APBA1: variants seen among roughly 807,000 people sequenced by gnomAD.
The protein encoded by APBA1 is amyloid beta precursor protein binding family A member 1.
Under a neutral mutation model 86.6 loss-of-function variants are expected in APBA1, and 55 were observed. The observed-to-expected ratio is 0.64, with a 90% CI of 0.51 to 0.80. The LOEUF is 0.80. APBA1 is among the 30% of genes least tolerant of loss of function. The probability of loss-of-function intolerance (pLI) is 0.00; values close to 1 mark genes in which losing one functional copy is unlikely to be tolerated. For missense variants in APBA1, 1,090 were observed against 1,183.0 expected (o/e 0.92, Z 1.15); for synonymous variants, 511 against 493.9 (o/e 1.03, Z -0.46).
chr9:69,473,682 A>G lies in APBA1; in HGVS notation c.1297-1987T>C, dbSNP rs1445245055. On this transcript the variant is annotated intron_variant, in intron 3 of 12. Transcript: ENST00000265381. ...GCACATGTACCCTAAAACTTGAAGT[A>G]TAATTAAAAAAATTAAAAAAAAGAT... is the stretch of plus-strand genomic sequence containing the variant. Among the ~76,000 whole-genome samples the G allele has an allele frequency of 7.2e-5, 11 of 152,204 alleles. 1 individual carries two copies. The South Asian group carries it at 1.7e-3, about 23-fold the overall frequency.
chr9:69,522,120 G>GTA (rs754118255), intron 1 of APBA1, among the ~76,000 whole-genome samples: 474 of 151,452 alleles, frequency 3.1e-3, no homozygotes, highest in Non-Finnish European at 5.2e-3. Flanking sequence ...ATGTGTGTGT[G>GTA]TATATATATA....
At chr9:69,486,229 G>A (rs556295486) in intron 2 of APBA1, among the ~76,000 whole-genome samples, 1 of 152,124 alleles carries the variant, frequency 6.6e-6, no homozygotes, top group African/African-American at 2.4e-5. Flanking sequence ...TGGGATTACA[G>A]GCATGAACCA....
chr9:69,643,042 ACCC>A (rs764308484), intron 1 of APBA1, among the ~76,000 whole-genome samples: 1 of 148,152 alleles, frequency 6.7e-6, no homozygotes, highest in Non-Finnish European at 1.5e-5. Context: ...ACACACACAC[ACCC>A]CTCCTCCCCC....
intron 1 of APBA1, among the ~76,000 whole-genome samples, chr9:69,602,292 C>T (rs1169203496): frequency 1.6e-4 from 24 of 152,096 alleles, no homozygotes; most frequent in Admixed American, 1.6e-3. Context: ...ACATACCTGG[C>T]GGGGCGCGGT....
intron 1 of APBA1, among the ~76,000 whole-genome samples, chr9:69,586,353 A>G (rs149202434): frequency 6.6e-6 from 1 of 152,142 alleles, no homozygotes; most frequent in East Asian, 1.9e-4. Flanking sequence ...TATTTTTTTG[A>G]TATGTATTTG....
chr9:69,666,962 T>C (rs923117024), intron 1 of APBA1, among the ~76,000 whole-genome samples: 3 of 152,210 alleles, frequency 2.0e-5, no homozygotes, highest in Non-Finnish European at 4.4e-5. Flanking sequence ...ATGCATATGA[T>C]GGGTATGGTA....
At chr9:69,504,474 C>G (rs1466233415) in intron 2 of APBA1, among the ~76,000 whole-genome samples, 4 of 152,022 alleles carry the variant, frequency 2.6e-5, no homozygotes, top group Non-Finnish European at 2.9e-5. Flanking sequence ...TGGCTGTTCA[C>G]TCATATTTAA....
chr9:69,596,305 G>A (rs914275615), intron 1 of APBA1, among the ~76,000 whole-genome samples: 6 of 152,086 alleles, frequency 3.9e-5, no homozygotes, highest in Admixed American at 6.6e-5. Context: ...CTATTTATAT[G>A]TTGGGATTCT....
intron 3 of APBA1, among the ~76,000 whole-genome samples, chr9:69,475,514 A>C (rs912602347): frequency 6.6e-6 from 1 of 152,200 alleles, no homozygotes; most frequent in African/African-American, 2.4e-5. Flanking sequence ...CTGCCTGGAC[A>C]ACAGGTGTGA....
At chr9:69,506,259 G>A (rs944636045) in intron 2 of APBA1, among the ~76,000 whole-genome samples, 6 of 151,626 alleles carry the variant, frequency 4.0e-5, no homozygotes, top group African/African-American at 1.2e-4. Flanking sequence ...CACTTGGGAA[G>A]TGCAAGGGGT....
chr9:69,530,077 C>T (rs554107726), intron 1 of APBA1, among the ~76,000 whole-genome samples: 1 of 152,052 alleles, frequency 6.6e-6, no homozygotes, highest in Admixed American at 6.6e-5. Context: ...TTAATTCAAT[C>T]TATATGGAAA....
At chr9:69,661,537 C>A (rs557590869) in intron 1 of APBA1, among the ~76,000 whole-genome samples, 1 of 152,110 alleles carries the variant, frequency 6.6e-6, no homozygotes, top group African/African-American at 2.4e-5. Context: ...CATTCTGAGT[C>A]CTTGCCACCC....
At chr9:69,547,246 G>A (rs149627739) in intron 1 of APBA1, among the ~76,000 whole-genome samples, 4 of 152,248 alleles carry the variant, frequency 2.6e-5, no homozygotes, top group East Asian at 3.9e-4. Flanking sequence ...ATACTGTTAC[G>A]GAACAACTCA....
At chr9:69,667,769 C>G (rs1823869589) in intron 1 of APBA1, among the ~76,000 whole-genome samples, 1 of 151,942 alleles carries the variant, frequency 6.6e-6, no homozygotes, top group African/African-American at 2.4e-5. Flanking sequence ...TCTCTTTTAT[C>G]TCCCAACTTA....
At chr9:69,536,752 C>A (rs918671815) in intron 1 of APBA1, among the ~76,000 whole-genome samples, 2 of 146,138 alleles carry the variant, frequency 1.4e-5, no homozygotes, top group Admixed American at 6.9e-5. Flanking sequence ...TGTTCGCACA[C>A]ACCTGTGATC....
intron 11 of APBA1, among the ~76,000 whole-genome samples, chr9:69,437,063 A>G (rs1056943259): frequency 2.0e-5 from 3 of 151,914 alleles, no homozygotes; most frequent in Non-Finnish European, 4.4e-5. Context: ...GGTTCTGTTT[A>G]TATGATGGAT....
chr9:69,485,009 TCTCA>T (rs931498023), intron 2 of APBA1, among the ~76,000 whole-genome samples: 15 of 150,654 alleles, frequency 1.0e-4, no homozygotes, highest in Admixed American at 1.3e-4. Flanking sequence ...AGAGACAGGG[TCTCA>T]CTATGTTGCC....
chr9:69,637,503 A>G (rs1469036909), intron 1 of APBA1, among the ~76,000 whole-genome samples: 2 of 152,214 alleles, frequency 1.3e-5, no homozygotes, highest in Admixed American at 1.3e-4. Context: ...TTATACCACT[A>G]TGTACCCATA....
chr9:69,466,461 C>T (rs145206441), intron 5 of APBA1, among the ~76,000 whole-genome samples: 2 of 152,340 alleles, frequency 1.3e-5, no homozygotes, highest in Non-Finnish European at 2.9e-5. Context: ...CTGTTCCTTT[C>T]TACCTCTCAG....
Sources: allele counts gnomAD v4.1 joint callset (sites outside exome capture counted in the v4.1 genomes callset), GRCh38; gene constraint gnomAD v4.1.1; transcripts MANE v1.5; gene names NCBI Gene and HGNC (gene_info 2026-07-23, HGNC 2026-07-21).